DIAPH3: variants seen among roughly 807,000 people sequenced by gnomAD.
The protein encoded by DIAPH3 is diaphanous related formin 3, also known as protein diaphanous homolog 3.
Under a neutral mutation model 144.3 loss-of-function variants are expected in DIAPH3, and 117 were observed. That is an observed-to-expected ratio of 0.81 (90% CI 0.70 to 0.95). The LOEUF (loss-of-function observed/expected upper bound fraction) is 0.95, where lower values mean the gene tolerates loss of function less well. Ranked by LOEUF, DIAPH3 falls within the 40% of genes least tolerant of loss-of-function variation. The pLI is 0.00. For synonymous variants in DIAPH3, 519 were observed against 488.9 expected (o/e 1.06, Z -0.81); for missense variants, 1,421 against 1,412.7 (o/e 1.01, Z -0.09).
intron 27 of DIAPH3, among the ~76,000 whole-genome samples, chr13:59,736,566 A>T (rs9528031): frequency 0.084 from 12,836 of 152,214 alleles, 757 homozygotes; most frequent in Middle Eastern, 0.2. Context: ...GAGAAGTGTC[A>T]TTAAAATGGC....
Position 59,973,309 on chromosome 13 carries a change from C to G in DIAPH3, c.1650+1043G>C, listed in dbSNP as rs576182073. ...AGAAAGTTCTTAAATTTACGTTACCCCAGACCAAGAAAAACTTGTTATAAA... is the reference window on the plus strand; with the variant it reads ...AGAAAGTTCTTAAATTTACGTTACCGCAGACCAAGAAAAACTTGTTATAAA... On this transcript the variant is annotated intron_variant, in intron 15 of 27. Coordinates refer to ENST00000400324, the MANE Select transcript of DIAPH3 (RefSeq NM_001042517.2). 2.6e-5 allele frequency among the ~76,000 whole-genome samples: 4 copies of G among 152,004 alleles called. No individual in the cohort carries two copies. The South Asian group carries it at 6.2e-4, about 24-fold the overall frequency.
chr13:59,731,012 T>C (rs746115802), intron 27 of DIAPH3, among the ~76,000 whole-genome samples: 3 of 152,160 alleles, frequency 2.0e-5, no homozygotes, highest in African/African-American at 4.8e-5. Context: ...ATCACTCTTC[T>C]ACTGGTTCTT....
At chr13:59,963,631 T>C (rs1468361307) in intron 17 of DIAPH3, among the ~76,000 whole-genome samples, 3 of 136,016 alleles carry the variant, frequency 2.2e-5, no homozygotes, top group African/African-American at 5.5e-5. Context: ...ACAGTGTATG[T>C]AATGGGGGGG....
In DIAPH3 at chr13:60,013,750, T is replaced by G. The variant is rs369505565; in HGVS notation, c.771+2163A>C. Reference sequence around the variant, plus strand: ...CCATTCAATGAATGCTAATAAAGACTGTATAAGTGAGGTTTAACAAATTTT... The same window carrying G: ...CCATTCAATGAATGCTAATAAAGACGGTATAAGTGAGGTTTAACAAATTTT... On this transcript the variant is annotated intron_variant, in intron 7 of 27. Coordinates refer to ENST00000400324, the MANE Select transcript of DIAPH3 (RefSeq NM_001042517.2). 2.6e-5 allele frequency among the ~76,000 whole-genome samples: 4 copies of G among 152,284 alleles called. No individual in the cohort carries two copies. In the East Asian group the frequency reaches 7.7e-4, roughly 29 times the overall value.
intron 9 of DIAPH3, among the ~76,000 whole-genome samples, chr13:59,993,763 G>A (rs879789729): frequency 1.8e-4 from 26 of 140,904 alleles, no homozygotes; most frequent in Admixed American, 1.8e-3. Context: ...TCATTCAGCT[G>A]TAACCAGTTC....
At chr13:59,967,513 A>C (rs2050130456) in intron 17 of DIAPH3, among the ~76,000 whole-genome samples, 2 of 152,164 alleles carry the variant, frequency 1.3e-5, no homozygotes, top group Admixed American at 1.3e-4. Flanking sequence ...AGACCTGTCT[A>C]CTTGACCAGT....
intron 22 of DIAPH3, among the ~76,000 whole-genome samples, chr13:59,850,623 T>G (rs1490534559): frequency 1.3e-5 from 2 of 151,722 alleles, no homozygotes; most frequent in African/African-American, 2.4e-5. Context: ...GGATTACATT[T>G]ATTGATTTGC....
chr13:59,737,589 C>T (rs2036220294), intron 27 of DIAPH3, among the ~76,000 whole-genome samples: 1 of 152,088 alleles, frequency 6.6e-6, no homozygotes, highest in African/African-American at 2.4e-5. Context: ...TTTACTAGCT[C>T]CAAACCCCAA....
At chr13:60,145,945 A>T (rs951879609) in intron 1 of DIAPH3, among the ~76,000 whole-genome samples, 3 of 152,354 alleles carry the variant, frequency 2.0e-5, no homozygotes, top group African/African-American at 7.2e-5. Flanking sequence ...GAATTATAAT[A>T]CAACAGCTAA....
intron 27 of DIAPH3, among the ~76,000 whole-genome samples, chr13:59,704,534 A>C (rs1324403246): frequency 6.6e-6 from 1 of 152,194 alleles, no homozygotes; most frequent in Non-Finnish European, 1.5e-5. Flanking sequence ...ATGTACAGTC[A>C]TGTGCTGCAG....
chr13:60,098,737 C>A (rs2058179339), intron 3 of DIAPH3, among the ~76,000 whole-genome samples: 1 of 152,080 alleles, frequency 6.6e-6, no homozygotes, highest in Non-Finnish European at 1.5e-5. Context: ...ACTGTGCTAC[C>A]ACACTACATA....
rs1335968894 is a variant in DIAPH3 at position 60,040,005 on chromosome 13, G to A, written c.626+2685C>T. On this transcript the variant is annotated intron_variant, in intron 5 of 27. Transcript: ENST00000400324. ...AATCCCAGCACTTTGGGAGGCCAAG[G>A]CACGTGGATCATTAGAGGTCAGGAA... Among the ~76,000 whole-genome samples the A allele has an allele frequency of 2.6e-5, 4 of 151,868 alleles. No homozygotes were observed. The South Asian group carries it at 6.2e-4, about 24-fold the overall frequency.
chr13:59,741,703 C>CAAAAAAAAAAAA (rs756556231), intron 27 of DIAPH3, among the ~76,000 whole-genome samples: 1 of 93,758 alleles, frequency 1.1e-5, no homozygotes. Context: ...GGCAACAAAG[C>CAAAAAAAAAAAA]AAAAAAAAAA....
intron 27 of DIAPH3, among the ~76,000 whole-genome samples, chr13:59,749,209 C>CAAAAAA (rs71197276): frequency 2.0e-4 from 5 of 25,108 alleles, no homozygotes; most frequent in Non-Finnish European, 2.8e-4. Context: ...GACTCTGTCT[C>CAAAAAA]AAAAAAAAAA....
At chr13:59,884,955 G>A (rs1345292223) in intron 20 of DIAPH3, among the ~76,000 whole-genome samples, 2 of 152,052 alleles carry the variant, frequency 1.3e-5, no homozygotes, top group South Asian at 2.1e-4. Context: ...TATTTCATAG[G>A]AGAAAGGTAA....
intron 4 of DIAPH3, among the ~76,000 whole-genome samples, chr13:60,071,177 T>C (rs2057192499): frequency 6.6e-6 from 1 of 152,196 alleles, no homozygotes; most frequent in African/African-American, 2.4e-5. Flanking sequence ...TATTGTGTTA[T>C]TTACAGATTG....
chr13:59,987,024 G>A (rs1338871503), intron 12 of DIAPH3, among the ~76,000 whole-genome samples: 15 of 152,088 alleles, frequency 9.9e-5, no homozygotes, highest in East Asian at 3.9e-4. Flanking sequence ...ACACATGCAC[G>A]TGTATGTTTA....
intron 27 of DIAPH3, among the ~76,000 whole-genome samples, chr13:59,714,656 T>C (rs2034958460): frequency 6.6e-6 from 1 of 152,172 alleles, no homozygotes; most frequent in African/African-American, 2.4e-5. Flanking sequence ...AACTTTACCT[T>C]CACAATGCTT....
chr13:59,863,641 T>C (rs1186930506), intron 21 of DIAPH3, among the ~76,000 whole-genome samples: 1 of 151,910 alleles, frequency 6.6e-6, no homozygotes, highest in African/African-American at 2.4e-5. Flanking sequence ...ACACATGTAA[T>C]AGGTTCAAAT....
Sources: gnomAD v4.1 joint callset for allele counts (sites outside exome capture counted in the v4.1 genomes callset) on GRCh38, gnomAD v4.1.1 for gene constraint, MANE v1.5 for transcripts, NCBI Gene and HGNC (gene_info 2026-07-23, HGNC 2026-07-21) for gene names.